ULK4: variants seen among roughly 807,000 people sequenced by gnomAD.
ULK4 encodes unc-51 like kinase 4, also known as inactive serine/threonine-protein kinase ULK4.
A neutral mutation model predicts 160.6 loss-of-function variants in ULK4; 133 were observed. The ratio of observed to expected loss-of-function variants is 0.83; its 90% confidence interval spans 0.72 to 0.96. The LOEUF (loss-of-function observed/expected upper bound fraction) is 0.96. Ranked by LOEUF, ULK4 falls within the 40% of genes least tolerant of loss-of-function variation. ULK4 has a pLI of 0.00. For synonymous variants in ULK4, 534 were observed against 539.8 expected, an observed-to-expected ratio of 0.99 and a Z score of 0.15; for missense variants, 1,580 against 1,499.5, an observed-to-expected ratio of 1.05 and a Z score of -0.89.
chr3:41,770,833 A>G lies in ULK4; in HGVS notation c.2194-16345T>C, dbSNP rs114664636. Among the ~76,000 whole-genome samples the G allele has an allele frequency of 2.4e-3, 372 of 152,326 alleles. 1 individual carries two copies. The highest frequency in any genetic ancestry group is 8.0e-3 in the African/African-American group (332 of 41,594). On this transcript the variant is annotated intron_variant, in intron 21 of 36. Transcript: ENST00000301831. Reference sequence around the variant, plus strand: ...CAGCCAGAATGATACTTTCTGAATCATAAGTAAATAGGGTAAAGGAGAGAG... The same window carrying G: ...CAGCCAGAATGATACTTTCTGAATCGTAAGTAAATAGGGTAAAGGAGAGAG...
chr3:41,584,648 A>G (rs13086798), intron 31 of ULK4, among the ~76,000 whole-genome samples: 19,867 of 152,210 alleles, frequency 0.13, 1,695 homozygotes, highest in Admixed American at 0.19. Flanking sequence ...TAAACAAGAG[A>G]TGTGGGAAGA....
chr3:41,782,938 A>C (rs2039897444), intron 21 of ULK4, among the ~76,000 whole-genome samples: 1 of 152,118 alleles, frequency 6.6e-6, no homozygotes, highest in South Asian at 2.1e-4. Context: ...GAGTTGCATA[A>C]ATTGACTTAA....
chr3:41,405,023 A>AC (rs1444049697), intron 34 of ULK4, among the ~76,000 whole-genome samples: 3 of 152,216 alleles, frequency 2.0e-5, no homozygotes, highest in Non-Finnish European at 4.4e-5. Context: ...CAGGTTTGTT[A>AC]CCTGGGTATA....
rs192185410 is a variant in ULK4 at position 41,632,004 on chromosome 3, T to C, written c.3072-16287A>G. ...TGAGCCTTCACTCTCTCTCTGAACC[T>C]CGTCGCTCTGCAGCTGGCCACCTTT... is the stretch of plus-strand genomic sequence containing the variant. On this transcript the variant is annotated intron_variant, in intron 30 of 36. Coordinates refer to ENST00000301831, the MANE Select transcript of ULK4 (RefSeq NM_017886.4). Among the ~76,000 whole-genome samples the C allele has an allele frequency of 2.4e-4, 37 of 152,342 alleles. No homozygotes were observed. In the East Asian group the frequency reaches 2.9e-3, roughly 12 times the overall value.
chr3:41,871,861 T>C (rs1437428867), intron 17 of ULK4, among the ~76,000 whole-genome samples: 1 of 152,240 alleles, frequency 6.6e-6, no homozygotes, highest in Non-Finnish European at 1.5e-5. Context: ...TAACTTTTTT[T>C]CTTTTATAGA....
chr3:41,952,962 T>C (rs1292567891), intron 2 of ULK4, among the ~76,000 whole-genome samples: 1 of 151,648 alleles, frequency 6.6e-6, no homozygotes, highest in Non-Finnish European at 1.5e-5. Flanking sequence ...AGACAAAAAA[T>C]GCTGTATGAT....
chr3:41,486,021 C>T (rs529742925), intron 32 of ULK4, among the ~76,000 whole-genome samples: 4 of 152,228 alleles, frequency 2.6e-5, no homozygotes, highest in South Asian at 2.1e-4. Flanking sequence ...TGGAAACTGC[C>T]GTTCCTTGGT....
chr3:41,302,944 A>G (rs2079828532), intron 35 of ULK4, among the ~76,000 whole-genome samples: 1 of 152,212 alleles, frequency 6.6e-6, no homozygotes, highest in Non-Finnish European at 1.5e-5. Flanking sequence ...ATATTAAATA[A>G]TAAGTGAAAT....
At chr3:41,288,475 C>A (rs2079503498) in intron 35 of ULK4, among the ~76,000 whole-genome samples, 1 of 152,032 alleles carries the variant, frequency 6.6e-6, no homozygotes, top group South Asian at 2.1e-4. Flanking sequence ...TCTTAGAGAG[C>A]CTTTGGAGGT....
At chr3:41,846,800 C>A in intron 17 of ULK4, among the ~76,000 whole-genome samples, 1 of 127,074 alleles carries the variant, frequency 7.9e-6, no homozygotes, top group African/African-American at 3.9e-5. Context: ...GCGAGACTCT[C>A]TCTCTCAAAA....
At chr3:41,685,739 A>G (rs2036079653) in intron 27 of ULK4, among the ~76,000 whole-genome samples, 1 of 152,152 alleles carries the variant, frequency 6.6e-6, no homozygotes, top group African/African-American at 2.4e-5. Context: ...TTTGACTAAT[A>G]AAAATTTCCA....
intron 29 of ULK4, among the ~76,000 whole-genome samples, chr3:41,664,360 G>A (rs556035537): frequency 4.6e-5 from 7 of 152,222 alleles, no homozygotes; most frequent in East Asian, 1.9e-4. Flanking sequence ...GGGTGCACGC[G>A]GAGGACTAGA....
chr3:41,831,728 T>C lies in ULK4; in HGVS notation c.1764+4136A>G, dbSNP rs147743799. Among the ~76,000 whole-genome samples, 109 of 151,882 alleles carry C rather than the reference T, an allele frequency of 7.2e-4. 2 individuals carry two copies. The East Asian group carries it at 0.02, about 27-fold the overall frequency. Reference sequence around the variant, plus strand: ...CCCCATCCCCTGACAGGCCCCCATGTGTGTTGTTCCCCTCCCTGTGTCCAT... The same window carrying C: ...CCCCATCCCCTGACAGGCCCCCATGCGTGTTGTTCCCCTCCCTGTGTCCAT... On this transcript the variant is annotated intron_variant, in intron 18 of 36. Transcript: ENST00000301831.
chr3:41,278,342 A>G (rs1408990124), intron 35 of ULK4, among the ~76,000 whole-genome samples: 6 of 152,196 alleles, frequency 3.9e-5, no homozygotes, highest in Admixed American at 3.9e-4. Context: ...TACTGCCTCT[A>G]TAGATTCCAC....
intron 32 of ULK4, among the ~76,000 whole-genome samples, chr3:41,483,214 G>T (rs2084389697): frequency 1.3e-5 from 2 of 151,946 alleles, no homozygotes; most frequent in Admixed American, 1.3e-4. Context: ...CTATCTCCAT[G>T]ATTTCAATTG....
intron 16 of ULK4, among the ~76,000 whole-genome samples, chr3:41,886,722 C>T (rs1437784924): frequency 6.6e-6 from 1 of 151,984 alleles, no homozygotes; most frequent in African/African-American, 2.4e-5. Context: ...ATTACAGGCA[C>T]GCACCACCAT....
At chr3:41,935,209 A>ATTTTTTT (rs10524611) in intron 4 of ULK4, among the ~76,000 whole-genome samples, 3 of 135,608 alleles carry the variant, frequency 2.2e-5, no homozygotes, top group East Asian at 2.1e-4. Flanking sequence ...TTATTTATTT[A>ATTTTTTT]TTTTTTTTTT....
At chr3:41,373,177 C>T (rs2081406204) in intron 35 of ULK4, among the ~76,000 whole-genome samples, 1 of 152,150 alleles carries the variant, frequency 6.6e-6, no homozygotes, top group Non-Finnish European at 1.5e-5. Context: ...TAGACTGCCA[C>T]ACAATAATAG....
chr3:41,840,714 C>A (rs1298454304), intron 17 of ULK4, among the ~76,000 whole-genome samples: 1 of 152,224 alleles, frequency 6.6e-6, no homozygotes, highest in Non-Finnish European at 1.5e-5. Context: ...GGTGTGATCT[C>A]AGATCGCCAC....
Sources: gnomAD v4.1 joint callset for allele counts (sites outside exome capture counted in the v4.1 genomes callset) on GRCh38, gnomAD v4.1.1 for gene constraint, MANE v1.5 for transcripts, NCBI Gene and HGNC (gene_info 2026-07-23, HGNC 2026-07-21) for gene names.